Variants in ARHGAP24 observed in about 807,000 individuals in gnomAD.
The protein encoded by ARHGAP24 is rho GTPase-activating protein 24.
In ARHGAP24, 50 loss-of-function variants were observed where a neutral mutation model predicts 76.4. That is an observed-to-expected ratio of 0.65 (90% confidence interval 0.52 to 0.83). The LOEUF (loss-of-function observed/expected upper bound fraction) is 0.83, where lower values mean the gene tolerates loss of function less well. ARHGAP24 is among the 40% of genes least tolerant of loss of function. ARHGAP24 has a pLI of 0.00. For synonymous variants in ARHGAP24, 345 were observed against 323.3 expected (o/e 1.07, Z -0.72); for missense variants, 930 against 914.2 (o/e 1.02, Z -0.22).
At chr4:85,582,275 G>A (rs1478854598) in intron 2 of ARHGAP24, among the ~76,000 whole-genome samples, 2 of 151,922 alleles carry the variant, frequency 1.3e-5, no homozygotes, top group Non-Finnish European at 2.9e-5. Context: ...AAATCTTGAA[G>A]CCAGTTTTAG....
intron 1 of ARHGAP24, among the ~76,000 whole-genome samples, chr4:85,494,735 A>G (rs1255659212): frequency 1.3e-5 from 2 of 152,084 alleles, no homozygotes; most frequent in African/African-American, 4.8e-5. Context: ...AAATAAAATA[A>G]CAGAAAATAG....
At chr4:85,826,149 C>T (rs1393119094) in intron 3 of ARHGAP24, among the ~76,000 whole-genome samples, 1 of 152,132 alleles carries the variant, frequency 6.6e-6, no homozygotes. Context: ...CTCTGTTCCC[C>T]GCCCCTCTCC....
chr4:85,691,494 G>A (rs971715862), intron 2 of ARHGAP24, among the ~76,000 whole-genome samples: 1 of 152,172 alleles, frequency 6.6e-6, no homozygotes, highest in Non-Finnish European at 1.5e-5. Flanking sequence ...CATAGGTCAA[G>A]AAGGATTTGT....
chr4:85,979,901 C>T (rs1354482385), intron 8 of ARHGAP24, among the ~76,000 whole-genome samples: 1 of 152,178 alleles, frequency 6.6e-6, no homozygotes, highest in African/African-American at 2.4e-5. Flanking sequence ...TTTGCTTGGT[C>T]AATACATTGT....
At chr4:85,655,801 A>G (rs1722134476) in intron 2 of ARHGAP24, among the ~76,000 whole-genome samples, 1 of 46,974 alleles carries the variant, frequency 2.1e-5, no homozygotes, top group African/African-American at 9.1e-5. Flanking sequence ...ATAGAGAGAG[A>G]GAGAGAGAGA....
chr4:85,842,092 G>T (rs534961554), intron 3 of ARHGAP24, among the ~76,000 whole-genome samples: 154 of 152,218 alleles, frequency 1.0e-3, no homozygotes, highest in South Asian at 3.9e-3. Context: ...GATATAAAAG[G>T]GGATAAATAT....
rs1161092431 is a variant in ARHGAP24, at chr4:85,564,967, T to C, written c.-20-5555T>C. Among the ~76,000 whole-genome samples the C allele has an allele frequency of 2.1e-4, 24 of 114,590 alleles. 1 individual carries two copies. Among genetic ancestry groups the C allele is most frequent in the Middle Eastern group, 4.2e-3 (1 of 236 alleles). 75.2% of individuals were successfully genotyped at this position (114,590 alleles called of 152,430 possible). On this transcript the variant is annotated intron_variant, in intron 1 of 9. Coordinates refer to ENST00000395184, the MANE Select transcript of ARHGAP24 (RefSeq NM_001025616.3). ...ATATATATATATATATATATATATATATACCCACACCCACCATACACCCAC... is the reference window on the plus strand; with the variant it reads ...ATATATATATATATATATATATATACATACCCACACCCACCATACACCCAC...
intron 2 of ARHGAP24, among the ~76,000 whole-genome samples, chr4:85,624,593 G>C (rs1720862799): frequency 6.6e-6 from 1 of 152,144 alleles, no homozygotes; most frequent in African/African-American, 2.4e-5. Context: ...GGATGATGCT[G>C]GCCTCATAAA....
chr4:85,476,040 T>C (rs1722584360), intron 1 of ARHGAP24, among the ~76,000 whole-genome samples: 1 of 145,564 alleles, frequency 6.9e-6, no homozygotes, highest in Non-Finnish European at 1.5e-5. Context: ...ATGTATAAAA[T>C]ATGTTTTAAA....
chr4:85,975,058 C>T (rs990577882), intron 7 of ARHGAP24, 97 bp downstream of exon 7: 12 of 1,093,690 alleles, frequency 1.1e-5, no homozygotes, highest in East Asian at 2.4e-5. Flanking sequence ...TCAACTACTT[C>T]GAGCCCTAGT....
chr4:85,564,408 G>C (rs192766057), intron 1 of ARHGAP24, among the ~76,000 whole-genome samples: 1,556 of 132,052 alleles, frequency 0.012, 47 homozygotes, highest in African/African-American at 0.059. Flanking sequence ...TGGGGGGAGC[G>C]GGGGGGATAG....
intron 2 of ARHGAP24, among the ~76,000 whole-genome samples, chr4:85,668,211 CTA>C (rs896320114): frequency 4.6e-5 from 7 of 152,164 alleles, no homozygotes; most frequent in Admixed American, 3.9e-4. Flanking sequence ...TTGGTTTACT[CTA>C]ATACTATGTT....
intron 3 of ARHGAP24, among the ~76,000 whole-genome samples, chr4:85,886,879 T>G (rs988724434): frequency 4.6e-5 from 7 of 152,270 alleles, no homozygotes; most frequent in Middle Eastern, 3.4e-3. Context: ...ATGTATTTGT[T>G]CTATGCATAG....
intron 3 of ARHGAP24, among the ~76,000 whole-genome samples, chr4:85,788,872 GA>G (rs1376239810): frequency 2.6e-5 from 4 of 152,134 alleles, no homozygotes; most frequent in Admixed American, 6.5e-5. Flanking sequence ...GGGCTCCATT[GA>G]GATCAAGGAC....
At chr4:85,930,267 T>G in intron 4 of ARHGAP24, 1 of 985,320 alleles carries the variant, frequency 1.0e-6, no homozygotes, top group Non-Finnish European at 1.2e-6. Flanking sequence ...ACGTTGTGAT[T>G]CTCTCGGGAG....
intron 2 of ARHGAP24, among the ~76,000 whole-genome samples, chr4:85,591,472 G>A (rs941695978): frequency 6.6e-6 from 1 of 152,066 alleles, no homozygotes; most frequent in African/African-American, 2.4e-5. Context: ...TTGGAATTAG[G>A]GAGTGAGTCT....
At chr4:85,497,445 A>G (rs150757595) in intron 1 of ARHGAP24, among the ~76,000 whole-genome samples, 1 of 152,368 alleles carries the variant, frequency 6.6e-6, no homozygotes, top group East Asian at 1.9e-4. Flanking sequence ...AATGCAAAAT[A>G]TATTATCTTC....
intron 5 of ARHGAP24, among the ~76,000 whole-genome samples, chr4:85,966,149 GC>G (rs1319966303): frequency 1.8e-4 from 28 of 152,234 alleles, no homozygotes; most frequent in Middle Eastern, 6.8e-3. Flanking sequence ...GAAAGAGCAA[GC>G]TTTTTAGTGT....
chr4:85,984,734 C>G (rs778647167), intron 8 of ARHGAP24, among the ~76,000 whole-genome samples: 3 of 152,300 alleles, frequency 2.0e-5, no homozygotes, highest in Middle Eastern at 3.4e-3. Context: ...GCCTTATAAA[C>G]CATTCTGCAT....
Sources: gnomAD v4.1 joint callset for allele counts (sites outside exome capture counted in the v4.1 genomes callset) on GRCh38, gnomAD v4.1.1 for gene constraint, MANE v1.5 for transcripts, NCBI Gene and HGNC (gene_info 2026-07-23, HGNC 2026-07-21) for gene names.